Variants in KLHL25 observed in about 807,000 individuals in gnomAD.
KLHL25 encodes kelch-like protein 25.
A neutral mutation model predicts 30.0 loss-of-function variants in KLHL25; 41 were observed. The observed-to-expected ratio is 1.37, with a 90% CI of 1.07 to 1.78. KLHL25 has a LOEUF of 1.78. Among genes scored for constraint, KLHL25 ranks in the 40% most tolerant of loss-of-function variants. The pLI, the probability that KLHL25 is intolerant of heterozygous loss-of-function variation, is 0.00. For synonymous variants in KLHL25, 399 were observed against 355.3 expected, an observed-to-expected ratio of 1.12 and a Z score of -1.38; for missense variants, 971 against 824.5, an observed-to-expected ratio of 1.18 and a Z score of -2.18.
At chr15:85,780,970 C>T (rs539557411) in intron 1 of KLHL25, among the ~76,000 whole-genome samples, 5 of 152,252 alleles carry the variant, frequency 3.3e-5, no homozygotes, top group South Asian at 4.1e-4. Flanking sequence ...ACAATGTTCA[C>T]GAATAAGAGG....
intron 1 of KLHL25, among the ~76,000 whole-genome samples, chr15:85,779,147 G>C (rs566053622): frequency 2.0e-5 from 3 of 151,944 alleles, no homozygotes; most frequent in Non-Finnish European, 4.4e-5. Flanking sequence ...TCCAGCCCGG[G>C]GCAGGTGCAG....
In KLHL25 at chr15:85,768,963, A is replaced by C. The variant is rs1209416694; in HGVS notation, c.848T>G (p.Val283Gly). The stretch of plus-strand genomic sequence containing the variant: ...GCGTGGCCGGGCACAGGGGCTGGTG[A>C]CCACGCCATCATTCTGCAGGATCCT... ...KTRILQNDGV[V>G]TSPCARPRKA... The change falls in exon 2 of 3, where the codon GTC (valine) becomes GGC (glycine). Residue 283 changes from valine to glycine, a missense_variant. Physicochemically the swap from Val to Gly is moderately radical, Grantham distance 109 (BLOSUM62 -3). Transcript: ENST00000337975. 1.2e-6 allele frequency: 2 copies of C among 1,613,046 alleles called. No homozygotes were observed. Among genetic ancestry groups the C allele is most frequent in the South Asian group, 1.1e-5 (1 of 91,084 alleles).
chr15:85,765,040 A>G (rs1194383539), intron 2 of KLHL25, among the ~76,000 whole-genome samples: 1 of 152,022 alleles, frequency 6.6e-6, no homozygotes, highest in Non-Finnish European at 1.5e-5. Context: ...GGTGGGAGGG[A>G]GCCTCTGACC....
intron 2 of KLHL25, 192 bp from the exon 3 acceptor site, chr15:85,761,203 G>A (rs2089580076): frequency 6.6e-6 from 1 of 152,280 alleles, no homozygotes; most frequent in African/African-American, 2.4e-5. Flanking sequence ...TGAGTGGCAG[G>A]TGACTCAGGT....
intron 1 of KLHL25, among the ~76,000 whole-genome samples, chr15:85,786,168 T>C (rs908029287): frequency 1.3e-5 from 2 of 152,198 alleles, no homozygotes; most frequent in East Asian, 1.9e-4. Flanking sequence ...CCAAAGCCCT[T>C]TGAGGGTCCC....
chr15:85,790,520 T>G (rs938031847), intron 1 of KLHL25, among the ~76,000 whole-genome samples: 3 of 152,214 alleles, frequency 2.0e-5, no homozygotes, highest in African/African-American at 7.2e-5. Flanking sequence ...CTTTTGAAAT[T>G]TTATAGCAAA....
chr15:85,766,433 C>T (rs1201376721), intron 2 of KLHL25, among the ~76,000 whole-genome samples: 1 of 152,196 alleles, frequency 6.6e-6, no homozygotes, highest in East Asian at 1.9e-4. Flanking sequence ...GCACAAAGCC[C>T]TTCTCTGGCA....
At position 85,778,017 on chromosome 15, in the gene KLHL25, C is replaced by G. The variant is rs149928555; in HGVS notation, c.-10-8197G>C. On this transcript the variant is annotated intron_variant, in intron 1 of 2. Coordinates refer to ENST00000337975, the MANE Select transcript of KLHL25 (RefSeq NM_022480.4). ...TTAATCAGGACGGATGAGGTTCTGC[C>G]GCAGCAAGGAACAACCCCCAAATCG... Among the ~76,000 whole-genome samples the G allele has an allele frequency of 6.2e-3, 940 of 152,260 alleles. 7 individuals are homozygous for G. Among genetic ancestry groups the G allele is most frequent in the Non-Finnish European group, 8.2e-3 (559 of 68,016 alleles).
chr15:85,767,707 G>T (rs540260487), intron 2 of KLHL25, among the ~76,000 whole-genome samples: 2 of 152,312 alleles, frequency 1.3e-5, no homozygotes, highest in South Asian at 4.1e-4. Flanking sequence ...TCTGCAGGTT[G>T]ACCTATGCTC....
At chr15:85,780,590 C>T (rs1335220311) in intron 1 of KLHL25, among the ~76,000 whole-genome samples, 1 of 152,108 alleles carries the variant, frequency 6.6e-6, no homozygotes, top group East Asian at 1.9e-4. Context: ...CAGAACAGAA[C>T]AAAAAAAGAA....
intron 1 of KLHL25, among the ~76,000 whole-genome samples, chr15:85,783,663 G>A (rs951632552): frequency 6.8e-5 from 10 of 147,540 alleles, no homozygotes; most frequent in African/African-American, 7.6e-5. Context: ...CTGCACTCCA[G>A]CCTGGGTGAC....
chr15:85,768,788 C>G lies in KLHL25; in HGVS notation c.1023G>C (p.Lys341Asn). 1 of 1,613,220 alleles carries G rather than the reference C, an allele frequency of 6.2e-7. No individual in the cohort carries two copies. Among genetic ancestry groups the G allele is most frequent in the East Asian group, 2.2e-5 (1 of 44,872 alleles). The stretch of plus-strand genomic sequence containing the variant: ...AGCCCCTGCCCCCCGTCACATAGAC[C>G]TTGCAGCCGATCGCTGAGGCGCTGA... ...KEFSASAIGCKVYVTGGRGSE... is the reference protein window; with the variant it reads ...KEFSASAIGCNVYVTGGRGSE... The change falls in exon 2 of 3, where the codon AAG becomes AAC. Residue 341 changes from lysine to asparagine, a missense_variant. Transcript: ENST00000337975.
At chr15:85,793,470 G>A (rs1209632312) in intron 1 of KLHL25, among the ~76,000 whole-genome samples, 2 of 152,092 alleles carry the variant, frequency 1.3e-5, no homozygotes, top group Non-Finnish European at 2.9e-5. Flanking sequence ...GGACCCTGAG[G>A]TGGGGTAGAC....
intron 1 of KLHL25, 141 bp downstream of exon 1, chr15:85,794,625 C>A (rs879420054): frequency 6.6e-6 from 1 of 152,110 alleles, no homozygotes; most frequent in Non-Finnish European, 1.5e-5. Flanking sequence ...CCGCGGGGCC[C>A]CCTCCCGGGA....
chr15:85,768,466 A>G lies in KLHL25; in HGVS notation c.1345T>C (p.Phe449Leu). 1 of 1,613,468 alleles carries G rather than the reference A, an allele frequency of 6.2e-7. No individual in the cohort carries two copies. Among genetic ancestry groups the G allele is most frequent in the Non-Finnish European group, 8.5e-7 (1 of 1,179,878 alleles). Residue 449 changes from phenylalanine to leucine, a missense_variant, in exon 2 of 3, where the codon TTC (phenylalanine) becomes CTC (leucine). Phe to Leu is a conservative substitution (Grantham distance 22). Coordinates refer to ENST00000337975, the MANE Select transcript of KLHL25 (RefSeq NM_022480.4). ...VVSAKLKLFV[F>L]GGTSIHRDMV... is the part of the protein sequence containing the mutation. Reference sequence around the variant, plus strand: ...TCCCGGTGGATGCTGGTTCCTCCGAAAACAAAGAGCTTCAGCTTGGCACTC... The same window carrying G: ...TCCCGGTGGATGCTGGTTCCTCCGAGAACAAAGAGCTTCAGCTTGGCACTC...
intron 1 of KLHL25, among the ~76,000 whole-genome samples, chr15:85,788,255 T>C (rs980165142): frequency 1.3e-5 from 2 of 152,164 alleles, no homozygotes; most frequent in Non-Finnish European, 2.9e-5. Flanking sequence ...GCACGAGCTG[T>C]GCTACCCACC....
chr15:85,793,237 T>G (rs905771967), intron 1 of KLHL25, among the ~76,000 whole-genome samples: 1 of 152,180 alleles, frequency 6.6e-6, no homozygotes, highest in African/African-American at 2.4e-5. Flanking sequence ...AATTTGCCTA[T>G]AGCTCTTCTC....
At chr15:85,780,393 G>A (rs1409109209) in intron 1 of KLHL25, among the ~76,000 whole-genome samples, 5 of 151,108 alleles carry the variant, frequency 3.3e-5, no homozygotes. Flanking sequence ...GTGGCCTCCT[G>A]AGGAGGATTC....
chr15:85,765,493 G>A (rs1193375412), intron 2 of KLHL25, among the ~76,000 whole-genome samples: 1 of 152,046 alleles, frequency 6.6e-6, no homozygotes, highest in Non-Finnish European at 1.5e-5. Context: ...GGGCATGGTG[G>A]CAGATGCCTG....
Sources: gnomAD v4.1 joint callset for allele counts (sites outside exome capture counted in the v4.1 genomes callset) on GRCh38, gnomAD v4.1.1 for gene constraint, MANE v1.5 for transcripts, NCBI Gene and HGNC (gene_info 2026-07-23, HGNC 2026-07-21) for gene names.